The following SGMS1 variants were observed in gnomAD, a reference collection of about 807,000 sequenced individuals.
The protein encoded by SGMS1 is phosphatidylcholine:ceramide cholinephosphotransferase 1.
Under a neutral mutation model 46.2 loss-of-function variants are expected in SGMS1, and 13 were observed. The observed-to-expected ratio is 0.28, with a 90% confidence interval of 0.18 to 0.45. The LOEUF is 0.45. Ranked by LOEUF, SGMS1 falls within the 20% of genes least tolerant of loss-of-function variation. The pLI, the probability that SGMS1 is intolerant of heterozygous loss-of-function variation, is 1.00. For synonymous variants in SGMS1, 203 were observed against 187.8 expected (o/e 1.08, Z -0.66); for missense variants, 324 against 519.9 (o/e 0.62, Z 3.66).
At chr10:50,337,706 C>G (rs989456930) in intron 7 of SGMS1, among the ~76,000 whole-genome samples, 1 of 151,964 alleles carries the variant, frequency 6.6e-6, no homozygotes, top group African/African-American at 2.4e-5. Context: ...AAACCAAAAA[C>G]AGATTAGCAT....
At chr10:50,584,984 G>T (rs1194578051) in intron 2 of SGMS1, among the ~76,000 whole-genome samples, 1 of 152,162 alleles carries the variant, frequency 6.6e-6, no homozygotes, top group Non-Finnish European at 1.5e-5. Flanking sequence ...CACAGCCCCA[G>T]TGTCCACCCA....
At chr10:50,436,230 G>T (rs566083573) in intron 5 of SGMS1, among the ~76,000 whole-genome samples, 2 of 151,948 alleles carry the variant, frequency 1.3e-5, no homozygotes, top group African/African-American at 4.8e-5. Context: ...TCAACCTCCC[G>T]AGTAGCTGGG....
intron 2 of SGMS1, among the ~76,000 whole-genome samples, chr10:50,580,188 G>T (rs971415815): frequency 6.6e-6 from 1 of 152,048 alleles, no homozygotes; most frequent in Admixed American, 6.5e-5. Flanking sequence ...AATGGGGGAG[G>T]AGGAAGAGAA....
At chr10:50,485,329 C>A (rs1022013524) in intron 3 of SGMS1, among the ~76,000 whole-genome samples, 1 of 152,140 alleles carries the variant, frequency 6.6e-6, no homozygotes, top group South Asian at 2.1e-4. Flanking sequence ...CCTAGGAATA[C>A]AGCTAACAAG....
chr10:50,505,027 G>A (rs901182975), intron 3 of SGMS1, among the ~76,000 whole-genome samples: 3 of 152,028 alleles, frequency 2.0e-5, no homozygotes, highest in Non-Finnish European at 2.9e-5. Flanking sequence ...CAGGTAACAC[G>A]GCAAAACCCC....
chr10:50,446,476 A>G (rs1447277469), intron 5 of SGMS1, among the ~76,000 whole-genome samples: 1 of 152,238 alleles, frequency 6.6e-6, no homozygotes, highest in Non-Finnish European at 1.5e-5. Context: ...ACAAAAAGAC[A>G]TACAATAATG....
rs546155021 is a variant in SGMS1 at position 50,615,822 on chromosome 10, T to C, written c.-684+7885A>G. On this transcript the variant is annotated intron_variant, in intron 1 of 10. Transcript: ENST00000361781. ...ACTTCACAGAGCAGAATCTCTCTCC[T>C]CTCATAACTCCCCTGGCACTGCACC... Among the ~76,000 whole-genome samples the C allele has an allele frequency of 2.0e-5, 3 of 152,266 alleles. No individual in the cohort carries two copies. The South Asian group carries it at 6.2e-4, about 32-fold the overall frequency.
intron 6 of SGMS1, among the ~76,000 whole-genome samples, chr10:50,395,066 TCCC>T (rs1248949310): frequency 6.6e-6 from 1 of 152,164 alleles, no homozygotes; most frequent in Non-Finnish European, 1.5e-5. Flanking sequence ...AACAAGCTTG[TCCC>T]TTTAACAAGA....
rs547038270 is a variant in SGMS1 at position 50,413,622 on chromosome 10, A to C, written c.-232+19854T>G. ...GCAGTATCCATGGCAGTATCCACTAAGTGCCACTAGCACACCTCCCCAACC... is the reference window on the plus strand; with the variant it reads ...GCAGTATCCATGGCAGTATCCACTACGTGCCACTAGCACACCTCCCCAACC... On this transcript the variant is annotated intron_variant, in intron 6 of 10. Coordinates refer to ENST00000361781, the MANE Select transcript of SGMS1 (RefSeq NM_147156.4). Among the ~76,000 whole-genome samples the C allele has an allele frequency of 2.0e-5, 3 of 152,320 alleles. No homozygotes were observed. The South Asian group carries it at 6.2e-4, about 32-fold the overall frequency.
intron 5 of SGMS1, among the ~76,000 whole-genome samples, chr10:50,444,736 A>G (rs912977130): frequency 1.4e-5 from 2 of 147,552 alleles, no homozygotes; most frequent in Admixed American, 6.7e-5. Context: ...TAAAAAAAAA[A>G]TACTTTGAGA....
intron 3 of SGMS1, among the ~76,000 whole-genome samples, chr10:50,505,617 C>A (rs2133764154): frequency 6.6e-6 from 1 of 152,274 alleles, no homozygotes; most frequent in Non-Finnish European, 1.5e-5. Context: ...TTATTGAGGG[C>A]TTCTAATATG....
chr10:50,461,150 G>A (rs748064029), intron 4 of SGMS1, among the ~76,000 whole-genome samples: 2 of 151,882 alleles, frequency 1.3e-5, no homozygotes, highest in Non-Finnish European at 2.9e-5. Context: ...ATTTTTAGTT[G>A]CCAACAAATA....
At chr10:50,443,917 T>A (rs1258948947) in intron 5 of SGMS1, among the ~76,000 whole-genome samples, 1 of 152,102 alleles carries the variant, frequency 6.6e-6, no homozygotes, top group Admixed American at 6.6e-5. Context: ...ATATTTTACA[T>A]GAAGCAATAC....
At chr10:50,377,421 T>G (rs1848536496) in intron 6 of SGMS1, among the ~76,000 whole-genome samples, 1 of 152,218 alleles carries the variant, frequency 6.6e-6, no homozygotes, top group Non-Finnish European at 1.5e-5. Flanking sequence ...CTCTCAATAC[T>G]GTTACACTGG....
intron 1 of SGMS1, among the ~76,000 whole-genome samples, chr10:50,608,801 G>A (rs1588891486): frequency 6.6e-6 from 1 of 152,152 alleles, no homozygotes; most frequent in Middle Eastern, 3.4e-3. Context: ...AGTAACTCAG[G>A]AGATTGGTTC....
chr10:50,471,823 G>A (rs1178182189), intron 3 of SGMS1, among the ~76,000 whole-genome samples: 1 of 152,120 alleles, frequency 6.6e-6, no homozygotes, highest in Non-Finnish European at 1.5e-5. Flanking sequence ...CAAACAAAAT[G>A]AGAGCAGTTT....
intron 6 of SGMS1, among the ~76,000 whole-genome samples, chr10:50,427,600 A>G (rs1457769002): frequency 1.3e-5 from 2 of 152,182 alleles, no homozygotes; most frequent in Admixed American, 1.3e-4. Flanking sequence ...AAAAGCAACG[A>G]CACTTAACAT....
At chr10:50,410,823 C>T in intron 6 of SGMS1, among the ~76,000 whole-genome samples, 1 of 152,190 alleles carries the variant, frequency 6.6e-6, no homozygotes, top group East Asian at 1.9e-4. Context: ...CCAAGTTGGC[C>T]TCTCAAATTC....
chr10:50,615,142 T>C (rs1383845816), intron 1 of SGMS1, among the ~76,000 whole-genome samples: 1 of 152,240 alleles, frequency 6.6e-6, no homozygotes, highest in East Asian at 1.9e-4. Flanking sequence ...CTGGCTCCAC[T>C]GTCTTTCAGT....
Sources: gnomAD v4.1 joint callset for allele counts (sites outside exome capture counted in the v4.1 genomes callset) on GRCh38, gnomAD v4.1.1 for gene constraint, MANE v1.5 for transcripts, NCBI Gene and HGNC (gene_info 2026-07-23, HGNC 2026-07-21) for gene names.